Variants in C16orf89 observed in about 807,000 individuals in gnomAD.
C16orf89 encodes chromosome 16 open reading frame 89, also known as UPF0764 protein C16orf89.
A neutral mutation model predicts 41.5 loss-of-function variants in C16orf89; 57 were observed. The ratio of observed to expected loss-of-function variants is 1.38; its 90% confidence interval spans 1.11 to 1.71. The LOEUF (loss-of-function observed/expected upper bound fraction) is 1.71. Among genes scored for constraint, C16orf89 ranks in the 40% most tolerant of loss-of-function variants. C16orf89 has a pLI of 0.00. For missense variants in C16orf89, 575 were observed against 445.9 expected (o/e 1.29, Z -2.61); for synonymous variants, 223 against 190.6 (o/e 1.17, Z -1.40).
intron 3 of C16orf89, among the ~76,000 whole-genome samples, chr16:5,059,131 T>C (rs972108117): frequency 3.8e-4 from 58 of 152,088 alleles, no homozygotes; most frequent in African/African-American, 1.2e-3. Flanking sequence ...TCCCAGCTAC[T>C]CGGGAGGCTG....
At chr16:5,063,015 G>C (rs745339760) in intron 1 of C16orf89, among the ~76,000 whole-genome samples, 1 of 152,202 alleles carries the variant, frequency 6.6e-6, no homozygotes, top group African/African-American at 2.4e-5. Context: ...TTTCCCAGCA[G>C]ATGGCTGTCA....
downstream of C16orf89, chr16:5,044,079 C>G: frequency 4.5e-6 from 5 of 1,106,762 alleles, no homozygotes; most frequent in Non-Finnish European, 5.6e-6. Flanking sequence ...AAGAGGTTGT[C>G]CAAGGTTGTC....
chr16:5,052,969 C>G (rs1232044410), intron 6 of C16orf89, among the ~76,000 whole-genome samples: 1 of 152,194 alleles, frequency 6.6e-6, no homozygotes, highest in Non-Finnish European at 1.5e-5. Flanking sequence ...TTCTTTCATT[C>G]ATAGCAACAT....
At chr16:5,055,696 C>T (rs1460452055) in intron 5 of C16orf89, 6 of 1,535,630 alleles carry the variant, frequency 3.9e-6, no homozygotes, top group African/African-American at 2.7e-5. Context: ...CCTGGTCCAT[C>T]TGTGTAGAGC....
intron 3 of C16orf89, among the ~76,000 whole-genome samples, chr16:5,059,436 C>G (rs1013285286): frequency 2.0e-5 from 3 of 151,972 alleles, no homozygotes; most frequent in Admixed American, 6.6e-5. Flanking sequence ...CACCACTGCA[C>G]TCCAGCCTGG....
chr16:5,057,196 C>T (rs1453319484), intron 4 of C16orf89, among the ~76,000 whole-genome samples: 4 of 147,688 alleles, frequency 2.7e-5, no homozygotes, highest in Non-Finnish European at 6.0e-5. Flanking sequence ...GAGATCGTGC[C>T]ACTGCACTCC....
intron 5 of C16orf89, 76 bp from the exon 6 acceptor site, chr16:5,055,426 G>T: frequency 1.5e-6 from 2 of 1,337,688 alleles, no homozygotes; most frequent in Non-Finnish European, 2.1e-6. Flanking sequence ...GGCTGCCACG[G>T]TGCCACCTGC....
chr16:5,062,379 C>CA, intron 2 of C16orf89, 46 bp downstream of exon 2: 1 of 1,562,112 alleles, frequency 6.4e-7, no homozygotes, highest in Non-Finnish European at 8.7e-7. Flanking sequence ...TCAATATCCC[C>CA]ATAGGCGCTA....
Position 5,062,193 on chromosome 16 carries a change from C to A in C16orf89, c.358+232G>T, listed in dbSNP as rs116166910. ...TGCGCTGAATGCTTGAGAGAAGACA[C>A]CCTGCTTCCTCTGCACACCTCTGTG... is the stretch of plus-strand genomic sequence containing the variant. On this transcript the variant is annotated intron_variant, in intron 2 of 7. Transcript: ENST00000472572. Among the ~76,000 whole-genome samples, 813 of 152,278 alleles carry A rather than the reference C, an allele frequency of 5.3e-3. 11 individuals are homozygous for A. Among genetic ancestry groups the A allele is most frequent in the African/African-American group, 0.018 (766 of 41,544 alleles).
In C16orf89 at chr16:5,044,311, G is replaced by A. The variant is rs750016728; in HGVS notation, c.*37C>T. 7.0e-6 allele frequency: 11 copies of A among 1,565,922 alleles called. No individual in the cohort carries two copies. Among genetic ancestry groups the A allele is most frequent in the African/African-American group, 5.5e-5 (4 of 73,344 alleles). On this transcript the variant is annotated 3_prime_UTR_variant, in exon 8 of 8. Transcript: ENST00000472572. ...TAAGGGATGAGGACTAAAGGGGTCT[G>A]TTCCTCCTCCAGGCAGCTGGCATGG...
rs1198116785 is a variant in C16orf89, at chr16:5,057,460, T to C, written c.627+1033A>G. On this transcript the variant is annotated intron_variant, in intron 4 of 7. Transcript: ENST00000472572. ...GTAGTATATATATAAAGAAAAGAAATATATATACTGGTGTGTGTGTATATA... is the reference window on the plus strand; with the variant it reads ...GTAGTATATATATAAAGAAAAGAAACATATATACTGGTGTGTGTGTATATA... 4.0e-5 allele frequency among the ~76,000 whole-genome samples: 6 copies of C among 148,282 alleles called. No homozygotes were observed. The Admixed American group carries it at 4.1e-4, about 10-fold the overall frequency.
At chr16:5,065,410 C>T (rs981410425) in intron 1 of C16orf89, among the ~76,000 whole-genome samples, 9 of 152,096 alleles carry the variant, frequency 5.9e-5, no homozygotes, top group African/African-American at 1.7e-4. Context: ...TTGTTCGTGG[C>T]GTTGTGAGGA....
intron 5 of C16orf89, chr16:5,055,693 C>T: frequency 6.5e-7 from 1 of 1,535,640 alleles, no homozygotes; most frequent in African/African-American, 1.4e-5. Flanking sequence ...TCACCTGGTC[C>T]ATCTGTGTAG....
chr16:5,044,371 G>A lies in C16orf89; in HGVS notation c.1063C>T (p.Pro355Ser), dbSNP rs376550071. The A allele has an allele frequency of 1.7e-5, 28 of 1,609,562 alleles. No individual in the cohort carries two copies. The highest frequency in any genetic ancestry group is 2.0e-5 in the Non-Finnish European group (24 of 1,178,544). The change falls in exon 8 of 8, where the codon CCG becomes TCG. Residue 355 changes from proline (P) to serine (S), a missense_variant. Transcript: ENST00000472572. Reference protein sequence around the residue: ...PANREPHPSTPPPPSSR With the variant: ...PANREPHPSTSPPPSSR ...TCTCAGCGGCTGCTTGGTGGTGGCG[G>A]TGTGGATGGGTGTGGCTCTCTGTTT...
intron 6 of C16orf89, among the ~76,000 whole-genome samples, chr16:5,053,532 C>T (rs752345101): frequency 7.4e-5 from 11 of 149,456 alleles, no homozygotes; most frequent in African/African-American, 2.7e-4. Flanking sequence ...CAAATAACAA[C>T]AATTTGTGGT....
At chr16:5,046,046 C>G (rs754508801) in intron 7 of C16orf89, among the ~76,000 whole-genome samples, 1 of 152,168 alleles carries the variant, frequency 6.6e-6, no homozygotes, top group Non-Finnish European at 1.5e-5. Context: ...ATAGGCAGCC[C>G]CAGCCCCTCT....
chr16:5,045,317 T>C (rs987223832), intron 7 of C16orf89, among the ~76,000 whole-genome samples: 2 of 152,206 alleles, frequency 1.3e-5, no homozygotes, highest in African/African-American at 4.8e-5. Context: ...TTCCTCTTAG[T>C]TGCCTCTGGT....
intron 6 of C16orf89, among the ~76,000 whole-genome samples, chr16:5,048,647 A>G (rs1169111335): frequency 2.0e-5 from 3 of 152,130 alleles, no homozygotes; most frequent in Admixed American, 2.0e-4. Flanking sequence ...CTACATCTGA[A>G]AAGAAAAAGA....
intron 5 of C16orf89, chr16:5,055,584 C>G: frequency 7.9e-7 from 1 of 1,261,798 alleles, no homozygotes. Flanking sequence ...GCTCCAAAGT[C>G]AGGATCAGTG....
Sources: gnomAD v4.1 joint callset for allele counts (sites outside exome capture counted in the v4.1 genomes callset) on GRCh38, gnomAD v4.1.1 for gene constraint, MANE v1.5 for transcripts, NCBI Gene and HGNC (gene_info 2026-07-23, HGNC 2026-07-21) for gene names.